Variants in RIMS2 observed in about 807,000 individuals in gnomAD.
RIMS2 encodes the protein regulating synaptic membrane exocytosis 2.
In RIMS2, 59 loss-of-function variants were observed where a neutral mutation model predicts 174.4. The observed-to-expected ratio is 0.34, with a 90% CI of 0.27 to 0.42. The LOEUF is 0.42. RIMS2 is among the 10% of genes least tolerant of loss of function. The pLI is 1.00. For synonymous variants in RIMS2, 606 were observed against 572.5 expected (o/e 1.06, Z -0.84); for missense variants, 1,620 against 1,666.3 (o/e 0.97, Z 0.48).
chr8:103,750,927 G>C (rs3110455), intron 2 of RIMS2, among the ~76,000 whole-genome samples: 124,411 of 152,116 alleles, frequency 0.82, 51,484 homozygotes, highest in African/African-American at 0.94. Flanking sequence ...TGGGAGGGAC[G>C]CAGTAGGAGG....
intron 3 of RIMS2, among the ~76,000 whole-genome samples, chr8:103,775,410 C>G (rs1237164050): frequency 6.6e-6 from 1 of 152,064 alleles, no homozygotes; most frequent in Non-Finnish European, 1.5e-5. Flanking sequence ...AAAAAAGAAT[C>G]TAATAACCTG....
chr8:103,967,387 T>C (rs936813200), intron 15 of RIMS2, among the ~76,000 whole-genome samples: 6 of 151,810 alleles, frequency 4.0e-5, no homozygotes, highest in African/African-American at 1.5e-4. Flanking sequence ...AGAGACAGGA[T>C]TTCTCCATGT....
chr8:104,182,581 C>A (rs2098946207), intron 19 of RIMS2, among the ~76,000 whole-genome samples: 1 of 151,892 alleles, frequency 6.6e-6, no homozygotes, highest in Admixed American at 6.6e-5. Flanking sequence ...TACTAATCTA[C>A]TTTCTGTCTC....
At chr8:103,551,275 T>G (rs531099013) in intron 1 of RIMS2, among the ~76,000 whole-genome samples, 6 of 152,240 alleles carry the variant, frequency 3.9e-5, no homozygotes, top group Admixed American at 6.5e-5. Context: ...TTCATCCCTG[T>G]GATGCAAGGC....
intron 1 of RIMS2, among the ~76,000 whole-genome samples, chr8:103,656,844 A>T (rs55854947): frequency 0.34 from 51,728 of 152,006 alleles, 9,647 homozygotes; most frequent in East Asian, 0.77. Flanking sequence ...GGACTAACTT[A>T]AAAGTTAAAA....
chr8:103,811,725 C>A (rs989555269), intron 3 of RIMS2, among the ~76,000 whole-genome samples: 1 of 152,232 alleles, frequency 6.6e-6, no homozygotes, highest in Non-Finnish European at 1.5e-5. Flanking sequence ...GGATTACAGG[C>A]GTGGGCCACC....
chr8:103,605,418 A>T, intron 1 of RIMS2, among the ~76,000 whole-genome samples: 1 of 142,942 alleles, frequency 7.0e-6, no homozygotes, highest in African/African-American at 2.7e-5. Context: ...TTTATTGAGG[A>T]TTTTTGCATC....
In RIMS2 at chr8:104,024,838, G is replaced by A. The variant is rs188098080; in HGVS notation, c.3334+10223G>A. 2.6e-3 allele frequency among the ~76,000 whole-genome samples: 401 copies of A among 152,208 alleles called. 14 individuals are homozygous for A. Among genetic ancestry groups the A allele is most frequent in the Non-Finnish European group, 7.9e-4 (54 of 68,002 alleles). On this transcript the variant is annotated intron_variant, in intron 19 of 23. Transcript: ENST00000504942. ...GGTAAGTTTTGAGAGGTTCTGGGTA[G>A]GTTTTCAGTCCTAAATATTTCTCCT...
chr8:104,015,530 C>A (rs896138532), intron 19 of RIMS2: 1 of 604,214 alleles, frequency 1.7e-6, no homozygotes, highest in Non-Finnish European at 2.9e-6. Context: ...ATAAACCCAA[C>A]TGCAATTGAT....
chr8:103,597,854 G>T (rs1269380726), intron 1 of RIMS2, among the ~76,000 whole-genome samples: 1 of 151,866 alleles, frequency 6.6e-6, no homozygotes, highest in Non-Finnish European at 1.5e-5. Context: ...TCAATTTGGT[G>T]TGAATAAAAC....
At chr8:103,590,686 T>G (rs1312291070) in intron 1 of RIMS2, among the ~76,000 whole-genome samples, 1 of 151,258 alleles carries the variant, frequency 6.6e-6, no homozygotes, top group Non-Finnish European at 1.5e-5. Context: ...GAAGACTTTT[T>G]TTCCCACCAT....
chr8:104,137,259 G>A (rs1235113482), intron 19 of RIMS2, among the ~76,000 whole-genome samples: 4 of 152,108 alleles, frequency 2.6e-5, no homozygotes, highest in African/African-American at 9.7e-5. Context: ...TAAAGCCTTA[G>A]TGCCTCCATG....
chr8:103,828,977 T>C (rs753363277), intron 3 of RIMS2, among the ~76,000 whole-genome samples: 43 of 152,142 alleles, frequency 2.8e-4, no homozygotes, highest in Non-Finnish European at 4.7e-4. Flanking sequence ...AGTCTTGTAG[T>C]ATAGTTCAAA....
intron 19 of RIMS2, among the ~76,000 whole-genome samples, chr8:104,184,730 G>C (rs1012232660): frequency 6.6e-6 from 1 of 151,418 alleles, no homozygotes; most frequent in African/African-American, 2.4e-5. Context: ...AAAAAATCAA[G>C]ATAACATGAT....
chr8:103,617,344 A>C (rs2095529168), intron 1 of RIMS2, among the ~76,000 whole-genome samples: 1 of 151,830 alleles, frequency 6.6e-6, no homozygotes, highest in African/African-American at 2.4e-5. Context: ...TCCTTATGCC[A>C]TACCCAAAAT....
chr8:103,909,689 T>C (rs943433244), intron 4 of RIMS2, among the ~76,000 whole-genome samples: 6 of 152,122 alleles, frequency 3.9e-5, no homozygotes, highest in Non-Finnish European at 8.8e-5. Flanking sequence ...AAATACTGGC[T>C]ATTGCAAACC....
chr8:104,139,260 T>C (rs1599742309), intron 19 of RIMS2, among the ~76,000 whole-genome samples: 1 of 152,274 alleles, frequency 6.6e-6, no homozygotes, highest in East Asian at 1.9e-4. Context: ...GTCTTTTGTG[T>C]CTCCATATAA....
intron 1 of RIMS2, among the ~76,000 whole-genome samples, chr8:103,683,846 C>A (rs949560735): frequency 6.6e-6 from 1 of 152,140 alleles, no homozygotes; most frequent in Admixed American, 6.6e-5. Flanking sequence ...GTTAGCAGAG[C>A]TTCACTTAAA....
chr8:103,640,180 G>A (rs1250708982), intron 1 of RIMS2, among the ~76,000 whole-genome samples: 1 of 151,856 alleles, frequency 6.6e-6, no homozygotes. Context: ...ATTTGGGATA[G>A]TTGTTCTTAC....
Sources: allele counts gnomAD v4.1 joint callset (sites outside exome capture counted in the v4.1 genomes callset), GRCh38; gene constraint gnomAD v4.1.1; transcripts MANE v1.5; gene names NCBI Gene and HGNC (gene_info 2026-07-23, HGNC 2026-07-21).